The following HSD17B12 variants were observed in gnomAD, a reference collection of about 807,000 sequenced individuals.
HSD17B12 encodes the protein very-long-chain 3-oxoacyl-CoA reductase.
Under a neutral mutation model 39.3 loss-of-function variants are expected in HSD17B12, and 32 were observed. The observed-to-expected ratio is 0.81, with a 90% CI of 0.61 to 1.09. The LOEUF (loss-of-function observed/expected upper bound fraction) is 1.09, where lower values mean the gene tolerates loss of function less well. Ranked by LOEUF, HSD17B12 falls within the 50% of genes least tolerant of loss-of-function variation. The pLI, the probability that HSD17B12 is intolerant of heterozygous loss-of-function variation, is 0.00. For missense variants in HSD17B12, 342 were observed against 382.9 expected, an observed-to-expected ratio of 0.89 and a Z score of 0.89; for synonymous variants, 150 against 146.7, an observed-to-expected ratio of 1.02 and a Z score of -0.16.
chr11:43,614,886 C>G, the HSD17B12 span, among the ~76,000 whole-genome samples: 1 of 151,404 alleles, frequency 6.6e-6, no homozygotes, highest in East Asian at 1.9e-4. Context: ...TTCTTTAGTT[C>G]TTGACATCTT....
chr11:43,566,030 G>T, the HSD17B12 span, among the ~76,000 whole-genome samples: 2 of 151,698 alleles, frequency 1.3e-5, no homozygotes, highest in East Asian at 3.9e-4. Context: ...AAGAGGGGAT[G>T]CTCTGTATTT....
chr11:43,581,538 G>A, the HSD17B12 span: 14 of 449,134 alleles, frequency 3.1e-5, no homozygotes, highest in East Asian at 9.5e-4. This position sits in a 1 kb window ranked among gnomAD's most constrained non-coding sequence, Gnocchi z 4.9. Context: ...GCACCTTCCC[G>A]AAGCTGCTCC....
At chr11:43,780,082 C>G (rs80121790) in intron 3 of HSD17B12, among the ~76,000 whole-genome samples, 2,386 of 152,282 alleles carry the variant, frequency 0.016, 75 homozygotes, top group African/African-American at 0.052. Context: ...CTCTCATCCC[C>G]CAGTGCCCTC....
At chr11:43,750,388 TTC>T (rs1410897836) in intron 1 of HSD17B12, among the ~76,000 whole-genome samples, 2 of 152,214 alleles carry the variant, frequency 1.3e-5, no homozygotes, top group Non-Finnish European at 2.9e-5. Flanking sequence ...TTTTTTTATT[TTC>T]TTTTTTATTG....
At chr11:43,708,311 T>C (rs1950033953) in intron 1 of HSD17B12, among the ~76,000 whole-genome samples, 1 of 152,180 alleles carries the variant, frequency 6.6e-6, no homozygotes, top group South Asian at 2.1e-4. Flanking sequence ...TAGGCTATTG[T>C]TTTACACATC....
At chr11:43,598,393 T>A in the HSD17B12 span, among the ~76,000 whole-genome samples, 24 of 152,178 alleles carry the variant, frequency 1.6e-4, no homozygotes, top group South Asian at 4.8e-3. Flanking sequence ...AATCCGTTTC[T>A]TGAGCTGGGG....
At chr11:43,833,006 C>T (rs1300771780) in intron 7 of HSD17B12, 3 of 146,234 alleles carry the variant, frequency 2.1e-5, no homozygotes, top group Non-Finnish European at 4.4e-5. Flanking sequence ...GCACTCCAGC[C>T]TGGGCAACAG....
chr11:43,629,704 T>C, the HSD17B12 span, among the ~76,000 whole-genome samples: 1 of 152,210 alleles, frequency 6.6e-6, no homozygotes, highest in Non-Finnish European at 1.5e-5. Context: ...TTCTTTTTTG[T>C]ATCAAATTGT....
At chr11:43,694,738 A>G (rs925956104) in intron 1 of HSD17B12, among the ~76,000 whole-genome samples, 9 of 152,142 alleles carry the variant, frequency 5.9e-5, no homozygotes, top group Admixed American at 5.9e-4. Flanking sequence ...GCAGTATTCA[A>G]ATTCATCTGG....
the HSD17B12 span, among the ~76,000 whole-genome samples, chr11:43,568,425 T>A: frequency 8.5e-5 from 13 of 152,160 alleles, no homozygotes; most frequent in African/African-American, 2.9e-4. Flanking sequence ...GTTTTTTTTT[T>A]AATTCAGCCC....
At chr11:43,810,601 C>G (rs1396326306) in intron 4 of HSD17B12, among the ~76,000 whole-genome samples, 1 of 152,000 alleles carries the variant, frequency 6.6e-6, no homozygotes, top group Admixed American at 6.6e-5. Flanking sequence ...CTTCCTTTGG[C>G]ATTATTCTTG....
intron 3 of HSD17B12, among the ~76,000 whole-genome samples, chr11:43,774,646 C>T (rs1400727272): frequency 1.3e-5 from 2 of 152,170 alleles, no homozygotes; most frequent in African/African-American, 4.8e-5. Flanking sequence ...GTGCTAGAGA[C>T]TCTTCGAAGA....
intron 1 of HSD17B12, among the ~76,000 whole-genome samples, chr11:43,696,424 A>C (rs899229150): frequency 6.6e-6 from 1 of 152,258 alleles, no homozygotes; most frequent in Non-Finnish European, 1.5e-5. Context: ...AAAGCGCAAC[A>C]TCACTGATCT....
intron 1 of HSD17B12, among the ~76,000 whole-genome samples, chr11:43,715,289 G>A (rs1273299492): frequency 1.3e-5 from 2 of 152,020 alleles, no homozygotes; most frequent in African/African-American, 4.8e-5. Context: ...ATTATTTTGA[G>A]ATACGTCCCA....
At chr11:43,808,802 C>T (rs371046680) in intron 4 of HSD17B12, among the ~76,000 whole-genome samples, 45 of 152,360 alleles carry the variant, frequency 3.0e-4, no homozygotes, top group African/African-American at 1.1e-3. Flanking sequence ...GAAATTGCTA[C>T]TCACAAATGT....
intron 3 of HSD17B12, among the ~76,000 whole-genome samples, chr11:43,768,858 G>T (rs1950623226): frequency 6.6e-6 from 1 of 150,654 alleles, no homozygotes; most frequent in African/African-American, 2.4e-5. Context: ...AGTGCTGATT[G>T]GTCCATTTTA....
At chr11:43,819,233 G>C (rs992607735) in intron 6 of HSD17B12, among the ~76,000 whole-genome samples, 6 of 151,986 alleles carry the variant, frequency 3.9e-5, no homozygotes, top group African/African-American at 1.4e-4. Flanking sequence ...CCTCCTGCTT[G>C]TCTACACTTA....
the HSD17B12 span, among the ~76,000 whole-genome samples, chr11:43,577,266 A>T: frequency 6.6e-6 from 1 of 152,112 alleles, no homozygotes; most frequent in African/African-American, 2.4e-5. Flanking sequence ...GATGCAGGAG[A>T]GGGATACGGG....
At chr11:43,696,912 C>T (rs1949917135) in intron 1 of HSD17B12, among the ~76,000 whole-genome samples, 1 of 151,658 alleles carries the variant, frequency 6.6e-6, no homozygotes, top group South Asian at 2.1e-4. Flanking sequence ...AACATAGGAA[C>T]AGAGGACCAA....
Sources: allele counts gnomAD v4.1 joint callset (sites outside exome capture counted in the v4.1 genomes callset), GRCh38; gene constraint gnomAD v4.1.1; non-coding constraint Gnocchi (gnomAD v3.1); transcripts MANE v1.5; gene names NCBI Gene and HGNC (gene_info 2026-07-23, HGNC 2026-07-21).